Variants in CAPN7 observed in about 807,000 individuals in gnomAD.
CAPN7 encodes the protein calpain 7.
In CAPN7, 72 loss-of-function variants were observed where a neutral mutation model predicts 115.2. That is an observed-to-expected ratio of 0.63 (90% CI 0.52 to 0.76). The LOEUF (loss-of-function observed/expected upper bound fraction) is 0.76. Among genes scored for constraint, CAPN7 ranks in the 30% least tolerant of loss-of-function variants. CAPN7 has a pLI of 0.00. For synonymous variants in CAPN7, 344 were observed against 322.3 expected (o/e 1.07, Z -0.72); for missense variants, 905 against 971.5 (o/e 0.93, Z 0.91).
At position 15,252,185 on chromosome 3, in the gene CAPN7, C is replaced by T. The variant is rs140320692; in HGVS notation, c.*925C>T. On this transcript the variant is annotated 3_prime_UTR_variant, in exon 21 of 21. Coordinates refer to ENST00000253693, the MANE Select transcript of CAPN7 (RefSeq NM_014296.3). Reference sequence around the variant, plus strand: ...AAACCCATCAGGACAGAATGATGCTCAATATTTTAAAATTCTAAAAATAGG... The same window carrying T: ...AAACCCATCAGGACAGAATGATGCTTAATATTTTAAAATTCTAAAAATAGG... The T allele has an allele frequency of 2.6e-3, 400 of 152,560 alleles. 4 individuals carry two copies. The highest frequency in any genetic ancestry group is 9.1e-3 in the African/African-American group (379 of 41,510). 9.5% of individuals were successfully genotyped at this position (152,560 alleles called of 1,614,324 possible).
intron 13 of CAPN7, 49 bp downstream of exon 13, chr3:15,240,666 C>A (rs757960802): frequency 6.5e-7 from 1 of 1,536,738 alleles, no homozygotes; most frequent in Non-Finnish European, 8.8e-7. Flanking sequence ...CAAAAAAAAA[C>A]ATGTTTTAAC....
At chr3:15,213,066 G>A (rs960163800) in intron 2 of CAPN7, among the ~76,000 whole-genome samples, 1 of 152,178 alleles carries the variant, frequency 6.6e-6, no homozygotes, top group African/African-American at 2.4e-5. Context: ...GTATTGAAAA[G>A]TGTACTGCCT....
chr3:15,248,771 T>C (rs554240066), intron 19 of CAPN7, among the ~76,000 whole-genome samples: 99 of 152,102 alleles, frequency 6.5e-4, no homozygotes, highest in Non-Finnish European at 1.2e-3. Context: ...GACAGGAGGA[T>C]CGAGTTCAGG....
Position 15,240,544 on chromosome 3 carries a change from T to C in CAPN7, c.1479T>C (p.Asp493=). 2 of 1,613,262 alleles carry C rather than the reference T, an allele frequency of 1.2e-6. No homozygotes were observed. Among genetic ancestry groups the C allele is most frequent in the South Asian group, 1.1e-5 (1 of 90,906 alleles). ...LRWKGRYSEN[D]VKNWTPELQK... is the part of the protein sequence containing the mutation. The stretch of plus-strand genomic sequence containing the variant: ...GGAAAGGAAGATACAGTGAAAATGA[T>C]GTAAAAAACTGGACTCCAGAGTTGC... The change falls in exon 13 of 21, where the codon GAT becomes GAC. Residue 493 remains aspartate (D), a synonymous_variant. Transcript: ENST00000253693.
intron 8 of CAPN7, among the ~76,000 whole-genome samples, chr3:15,229,501 A>G (rs1694537100): frequency 6.8e-6 from 1 of 147,640 alleles, no homozygotes; most frequent in Non-Finnish European, 1.5e-5. Context: ...TGTGTTGATT[A>G]TATGTTAAAA....
chr3:15,229,135 G>T, intron 8 of CAPN7, 76 bp downstream of exon 8: 1 of 1,013,366 alleles, frequency 9.9e-7, no homozygotes, highest in Non-Finnish European at 1.5e-6. Flanking sequence ...AGCCTTATCT[G>T]TATAGAAAGT....
rs534637662 is a variant in CAPN7 at position 15,222,353 on chromosome 3, A to G, written c.639-1122A>G. Among the ~76,000 whole-genome samples, 31 of 152,350 alleles carry G rather than the reference A, an allele frequency of 2.0e-4. No individual in the cohort carries two copies. In the South Asian group the frequency reaches 6.4e-3, roughly 32 times the overall value. ...TGCCCTCTGAACCAGTGTAGCTAGG[A>G]TAAGTCCCTGAGCCAGACAGGGTGG... On this transcript the variant is annotated intron_variant, in intron 5 of 20. Transcript: ENST00000253693.
At chr3:15,246,822 C>G in intron 18 of CAPN7, 28 bp downstream of exon 18, 1 of 1,488,838 alleles carries the variant, frequency 6.7e-7, no homozygotes, top group East Asian at 2.3e-5. Context: ...GTTGTAATCT[C>G]AGCATTCTTT....
chr3:15,245,499 T>C, intron 16 of CAPN7, 27 bp from the exon 17 acceptor site: 1 of 1,584,460 alleles, frequency 6.3e-7, no homozygotes, highest in South Asian at 1.2e-5. Flanking sequence ...AGTCTCCTTT[T>C]CTCTAAGCCT....
intron 2 of CAPN7, 77 bp downstream of exon 2, chr3:15,212,289 C>G: frequency 1.3e-6 from 1 of 752,918 alleles, no homozygotes; most frequent in South Asian, 2.0e-5. Flanking sequence ...GTTTGTTTCT[C>G]TTCTTCATTT....
At chr3:15,209,953 TAAATG>T (rs1178776278) in intron 1 of CAPN7, among the ~76,000 whole-genome samples, 2 of 152,222 alleles carry the variant, frequency 1.3e-5, no homozygotes, top group African/African-American at 4.8e-5. Context: ...GTTTTGAATA[TAAATG>T]AAATGAGTAA....
chr3:15,219,662 T>C (rs139639215), intron 4 of CAPN7, among the ~76,000 whole-genome samples: 11 of 152,350 alleles, frequency 7.2e-5, no homozygotes, highest in African/African-American at 2.6e-4. Flanking sequence ...ATCCATTCTC[T>C]AGGAAAATGT....
intron 6 of CAPN7, among the ~76,000 whole-genome samples, chr3:15,223,936 G>A (rs754436197): frequency 2.0e-5 from 3 of 152,196 alleles, no homozygotes; most frequent in Non-Finnish European, 2.9e-5. Flanking sequence ...ACCAATTCAA[G>A]CAAGGACTAT....
intron 1 of CAPN7, among the ~76,000 whole-genome samples, chr3:15,211,791 A>T (rs1438729113): frequency 6.6e-6 from 1 of 152,126 alleles, no homozygotes; most frequent in African/African-American, 2.4e-5. Flanking sequence ...GCTACTCGGG[A>T]GGCTGAGGCC....
rs772469852 is a variant in CAPN7, at chr3:15,252,301, G to A, written c.*1041G>A. The stretch of plus-strand genomic sequence containing the variant: ...ATTGAAATAAAATGTTTATACTTAC[G>A]GATATTGCATAGTTTAAGTTAGATT... On this transcript the variant is annotated 3_prime_UTR_variant, in exon 21 of 21. Coordinates refer to ENST00000253693, the MANE Select transcript of CAPN7 (RefSeq NM_014296.3). 55 of 152,528 alleles carry A rather than the reference G, an allele frequency of 3.6e-4. No homozygotes were observed. The highest frequency in any genetic ancestry group is 4.1e-4 in the South Asian group (2 of 4,820). The allele number at this position is 152,528 out of a possible 1,614,324, so 9.4% of individuals were successfully genotyped here.
At chr3:15,247,297 TG>T (rs1179727930) in intron 18 of CAPN7, 29 bp from the exon 19 acceptor site, 2 of 1,466,892 alleles carry the variant, frequency 1.4e-6, no homozygotes, top group African/African-American at 1.5e-5. Flanking sequence ...AATGAAATTT[TG>T]TTAATACTAA....
chr3:15,212,465 A>C (rs144974373), intron 2 of CAPN7, among the ~76,000 whole-genome samples: 2 of 152,348 alleles, frequency 1.3e-5, no homozygotes, highest in East Asian at 1.9e-4. Flanking sequence ...TGAATTACCT[A>C]TGTTCAAACA....
At chr3:15,212,738 C>T (rs1031657020) in intron 2 of CAPN7, among the ~76,000 whole-genome samples, 1 of 152,088 alleles carries the variant, frequency 6.6e-6, no homozygotes, top group Non-Finnish European at 1.5e-5. Context: ...ACAACAGGTA[C>T]AATAATAGAA....
At chr3:15,216,087 C>CA (rs57720852) in intron 2 of CAPN7, among the ~76,000 whole-genome samples, 18,432 of 143,800 alleles carry the variant, frequency 0.13, 3,710 homozygotes, top group African/African-American at 0.43. Context: ...GATTCTGTCT[C>CA]AAAAAAAAAA....
Sources: gnomAD v4.1 joint callset for allele counts (sites outside exome capture counted in the v4.1 genomes callset) on GRCh38, gnomAD v4.1.1 for gene constraint, MANE v1.5 for transcripts, NCBI Gene and HGNC (gene_info 2026-07-23, HGNC 2026-07-21) for gene names.